MSRA: variants seen among roughly 807,000 people sequenced by gnomAD.
MSRA encodes methionine sulfoxide reductase A.
MSRA carries 54 observed loss-of-function variants against 31.3 expected under a neutral mutation model. The observed-to-expected ratio is 1.73, with a 90% CI of 1.39 to 2.17. The LOEUF (loss-of-function observed/expected upper bound fraction) is 2.17. Among genes scored for constraint, MSRA ranks in the 30% most tolerant of loss-of-function variants. MSRA has a pLI of 0.00. For missense variants in MSRA, 507 were observed against 300.9 expected (o/e 1.69, Z -5.07); for synonymous variants, 169 against 116.5 (o/e 1.45, Z -2.90).
At chr8:10,214,492 C>T (rs1184199311) in intron 2 of MSRA, among the ~76,000 whole-genome samples, 2 of 152,156 alleles carry the variant, frequency 1.3e-5, no homozygotes, top group African/African-American at 4.8e-5. Context: ...TGGTGTCTCA[C>T]TGGCACATAT....
intron 3 of MSRA, among the ~76,000 whole-genome samples, chr8:10,259,656 C>T (rs1267245928): frequency 6.6e-6 from 1 of 152,126 alleles, no homozygotes; most frequent in East Asian, 1.9e-4. Context: ...TTGATATTCC[C>T]CTCCAGGAAG....
chr8:10,157,680 A>G (rs1421304723), intron 1 of MSRA, among the ~76,000 whole-genome samples: 1 of 152,102 alleles, frequency 6.6e-6, no homozygotes, highest in African/African-American at 2.4e-5. Context: ...GTCAGAGTCA[A>G]ATTTCCCTCA....
chr8:10,358,137 C>T (rs1804618674), intron 5 of MSRA, among the ~76,000 whole-genome samples: 1 of 152,110 alleles, frequency 6.6e-6, no homozygotes, highest in African/African-American at 2.4e-5. Flanking sequence ...CCATGTTGGC[C>T]AGGCTGGTCT....
At chr8:10,410,775 T>G (rs1417236383) in intron 5 of MSRA, among the ~76,000 whole-genome samples, 1 of 152,212 alleles carries the variant, frequency 6.6e-6, no homozygotes, top group Non-Finnish European at 1.5e-5. Flanking sequence ...AGTGCCATTT[T>G]TGTAACTCCA....
At chr8:10,146,886 T>C (rs954301341) in intron 1 of MSRA, among the ~76,000 whole-genome samples, 1 of 152,134 alleles carries the variant, frequency 6.6e-6, no homozygotes, top group African/African-American at 2.4e-5. Context: ...CAAAACCTAT[T>C]TGCAAAAGGG....
chr8:10,072,414 C>T lies in MSRA; in HGVS notation c.142+17756C>T, dbSNP rs1382562518. ...GCATTTTTGTCCAAAATTAGTTGGC[C>T]ATATTTGTGTGGGTCTGTTTCTGGG... On this transcript the variant is annotated intron_variant, in intron 1 of 5. Coordinates refer to ENST00000317173, the MANE Select transcript of MSRA (RefSeq NM_012331.5). 2.6e-5 allele frequency among the ~76,000 whole-genome samples: 4 copies of T among 151,894 alleles called. No homozygotes were observed. In the South Asian group the frequency reaches 6.2e-4, roughly 24 times the overall value.
chr8:10,259,455 G>A (rs1563279604), intron 3 of MSRA, among the ~76,000 whole-genome samples: 1 of 152,146 alleles, frequency 6.6e-6, no homozygotes, highest in African/African-American at 2.4e-5. Context: ...ATACTTCCTG[G>A]TGAAGCAGGT....
chr8:10,382,812 T>G (rs974125445), intron 5 of MSRA, among the ~76,000 whole-genome samples: 1 of 152,218 alleles, frequency 6.6e-6, no homozygotes, highest in African/African-American at 2.4e-5. Context: ...TGCCACTAAC[T>G]AGCTGGTGTT....
At position 10,054,672 on chromosome 8, in the gene MSRA, A is replaced by C. The variant is rs941457809; in HGVS notation, c.142+14A>C. On this transcript the variant is annotated intron_variant, in intron 1 of 5. Coordinates refer to ENST00000317173, the MANE Select transcript of MSRA (RefSeq NM_012331.5). ...CCCCTGTAGCGGGTAAGCACTGGCC[A>C]CACGGAAGGCGCGGGCGGCGACGCT... 2.0e-6 allele frequency: 3 copies of C among 1,500,006 alleles called. No homozygotes were observed. In the Admixed American group the frequency reaches 6.4e-5, roughly 32 times the overall value. The allele number at this position is 1,500,006 out of a possible 1,614,324, so 92.9% of individuals were successfully genotyped here. A position where few individuals can be genotyped will look rare whatever the true frequency, so the allele number is the denominator to read the frequency against.
At chr8:10,125,972 G>C (rs969967641) in intron 1 of MSRA, among the ~76,000 whole-genome samples, 3 of 152,150 alleles carry the variant, frequency 2.0e-5, no homozygotes, top group African/African-American at 7.2e-5. Context: ...TTAATCAAAG[G>C]CACCGAATGT....
chr8:10,164,579 G>A (rs1804955076), intron 1 of MSRA, among the ~76,000 whole-genome samples: 2 of 152,110 alleles, frequency 1.3e-5, no homozygotes, highest in African/African-American at 4.8e-5. Flanking sequence ...GAAAACTCTT[G>A]GGATTACATA....
intron 1 of MSRA, among the ~76,000 whole-genome samples, chr8:10,056,876 G>A (rs958171951): frequency 7.2e-5 from 11 of 152,102 alleles, no homozygotes; most frequent in African/African-American, 9.7e-5. Context: ...CAAAAGTTGC[G>A]TGACAAAAGC....
intron 5 of MSRA, among the ~76,000 whole-genome samples, chr8:10,374,364 G>A (rs962424230): frequency 3.3e-5 from 5 of 152,142 alleles, no homozygotes; most frequent in Non-Finnish European, 7.3e-5. Context: ...GTGGACCTTG[G>A]TGCTGTACGG....
At chr8:10,167,341 A>T (rs1023364910) in intron 1 of MSRA, among the ~76,000 whole-genome samples, 10 of 152,280 alleles carry the variant, frequency 6.6e-5, no homozygotes, top group Admixed American at 4.6e-4. Flanking sequence ...TCACATAATG[A>T]TCTTGGGAAT....
At chr8:10,106,417 C>T (rs530153854) in intron 1 of MSRA, among the ~76,000 whole-genome samples, 6 of 152,234 alleles carry the variant, frequency 3.9e-5, no homozygotes, top group East Asian at 1.9e-4. Context: ...CTCCAGTCAC[C>T]GTCTCTGCAC....
chr8:10,327,092 G>C (rs1030069796), intron 5 of MSRA, among the ~76,000 whole-genome samples: 2 of 152,206 alleles, frequency 1.3e-5, no homozygotes, highest in East Asian at 3.8e-4. Flanking sequence ...GCGAAAAAGA[G>C]AGAAGAAAAG....
At chr8:10,333,109 A>G (rs1373822322) in intron 5 of MSRA, among the ~76,000 whole-genome samples, 5 of 152,178 alleles carry the variant, frequency 3.3e-5, no homozygotes, top group Non-Finnish European at 7.3e-5. Flanking sequence ...TAGTAGAAGT[A>G]CAGTAGAAGT....
chr8:10,146,331 A>G (rs1803144204), intron 1 of MSRA, among the ~76,000 whole-genome samples: 1 of 152,208 alleles, frequency 6.6e-6, no homozygotes, highest in African/African-American at 2.4e-5. Flanking sequence ...GTAGAATTTT[A>G]AACACAGAAA....
chr8:10,277,568 TC>T (rs1799390228), intron 3 of MSRA, among the ~76,000 whole-genome samples: 2 of 152,252 alleles, frequency 1.3e-5, no homozygotes, highest in South Asian at 4.1e-4. Flanking sequence ...TCTTGCTTTT[TC>T]TCTGTATGGA....
Sources: allele counts gnomAD v4.1 joint callset (sites outside exome capture counted in the v4.1 genomes callset), GRCh38; gene constraint gnomAD v4.1.1; transcripts MANE v1.5; gene names NCBI Gene and HGNC (gene_info 2026-07-23, HGNC 2026-07-21).